MAN1A2: variants seen among roughly 807,000 people sequenced by gnomAD.
MAN1A2 encodes mannosidase alpha class 1A member 2, also known as mannosyl-oligosaccharide 1,2-alpha-mannosidase IB.
Under a neutral mutation model 75.7 loss-of-function variants are expected in MAN1A2, and 26 were observed. The observed-to-expected ratio is 0.34, with a 90% CI of 0.25 to 0.48. MAN1A2 has a LOEUF of 0.48. Ranked by LOEUF, MAN1A2 falls within the 20% of genes least tolerant of loss-of-function variation. The pLI is 0.99. For missense variants in MAN1A2, 562 were observed against 775.5 expected, an observed-to-expected ratio of 0.72 and a Z score of 3.27; for synonymous variants, 247 against 264.6, an observed-to-expected ratio of 0.93 and a Z score of 0.65.
intron 5 of MAN1A2, among the ~76,000 whole-genome samples, chr1:117,435,391 A>G (rs781421740): frequency 2.0e-5 from 3 of 152,162 alleles, no homozygotes; most frequent in Non-Finnish European, 4.4e-5. Flanking sequence ...TTAAGGAAGA[A>G]CTCGTGAATA....
chr1:117,475,286 G>C (rs1007697203), intron 8 of MAN1A2, among the ~76,000 whole-genome samples: 1 of 151,838 alleles, frequency 6.6e-6, no homozygotes, highest in African/African-American at 2.4e-5. Context: ...ATTGCTATCA[G>C]TAGTGTTTCT....
At chr1:117,521,377 A>G (rs1370309031) in intron 12 of MAN1A2, among the ~76,000 whole-genome samples, 5 of 151,996 alleles carry the variant, frequency 3.3e-5, no homozygotes, top group Non-Finnish European at 7.4e-5. Context: ...CAGACAACCC[A>G]CAGAGTGGGA....
chr1:117,511,529 G>A (rs1012457762), intron 12 of MAN1A2, among the ~76,000 whole-genome samples: 5 of 151,908 alleles, frequency 3.3e-5, no homozygotes, highest in East Asian at 3.9e-4. Context: ...CCTCATAGCC[G>A]TAGGGACTTT....
intron 8 of MAN1A2, among the ~76,000 whole-genome samples, chr1:117,482,196 A>C (rs1650519672): frequency 6.6e-6 from 1 of 151,984 alleles, no homozygotes; most frequent in Admixed American, 6.6e-5. Flanking sequence ...GTATGTCTTT[A>C]CAGTAGCATG....
At chr1:117,377,223 T>C (rs1653178742) in intron 1 of MAN1A2, among the ~76,000 whole-genome samples, 3 of 152,220 alleles carry the variant, frequency 2.0e-5, no homozygotes, top group Admixed American at 2.0e-4. Flanking sequence ...TTAAATATAA[T>C]AAATGAGGAT....
chr1:117,477,037 G>A (rs1650335819), intron 8 of MAN1A2, among the ~76,000 whole-genome samples: 1 of 151,810 alleles, frequency 6.6e-6, no homozygotes, highest in Non-Finnish European at 1.5e-5. Flanking sequence ...ATTTCCTTGA[G>A]CAGTGGTTTG....
At chr1:117,487,312 T>C (rs1405737519) in intron 8 of MAN1A2, among the ~76,000 whole-genome samples, 1 of 151,970 alleles carries the variant, frequency 6.6e-6, no homozygotes, top group Non-Finnish European at 1.5e-5. Flanking sequence ...AGATGACAGC[T>C]GTGGAGTATC....
At chr1:117,421,118 A>T (rs945027787) in intron 5 of MAN1A2, among the ~76,000 whole-genome samples, 101 of 152,220 alleles carry the variant, frequency 6.6e-4, no homozygotes, top group African/African-American at 2.2e-3. Flanking sequence ...TTGGTACAGA[A>T]CACATGGAGA....
intron 6 of MAN1A2, among the ~76,000 whole-genome samples, chr1:117,458,503 A>G (rs1249726775): frequency 2.0e-5 from 2 of 101,338 alleles, no homozygotes; most frequent in African/African-American, 8.7e-5. Context: ...ATATCTATAT[A>G]TATATATAGA....
chr1:117,520,789 C>T (rs1651847657), intron 12 of MAN1A2, among the ~76,000 whole-genome samples: 2 of 151,834 alleles, frequency 1.3e-5, no homozygotes, highest in South Asian at 2.1e-4. Flanking sequence ...AAAATACCAC[C>T]ATCATTCTTC....
At chr1:117,373,650 C>G (rs1653045759) in intron 1 of MAN1A2, among the ~76,000 whole-genome samples, 1 of 152,058 alleles carries the variant, frequency 6.6e-6, no homozygotes, top group Admixed American at 6.5e-5. Flanking sequence ...GTGTGAACAA[C>G]CATGCTAGGT....
At chr1:117,427,066 C>T (rs554958029) in intron 5 of MAN1A2, among the ~76,000 whole-genome samples, 1 of 152,130 alleles carries the variant, frequency 6.6e-6, no homozygotes, top group South Asian at 2.1e-4. Flanking sequence ...GAAGATATAA[C>T]AGAATCAGCT....
At chr1:117,443,365 C>A (rs951062755) in intron 6 of MAN1A2, among the ~76,000 whole-genome samples, 1 of 152,110 alleles carries the variant, frequency 6.6e-6, no homozygotes, top group Non-Finnish European at 1.5e-5. Flanking sequence ...GAGGAAAAAG[C>A]TGGCTGAAGT....
intron 12 of MAN1A2, among the ~76,000 whole-genome samples, chr1:117,520,364 G>A (rs1223406816): frequency 6.6e-6 from 1 of 152,018 alleles, no homozygotes; most frequent in Non-Finnish European, 1.5e-5. Context: ...AATTAGTAAA[G>A]AGGAAGTCAA....
chr1:117,513,437 T>C (rs1193798289), intron 12 of MAN1A2, among the ~76,000 whole-genome samples: 3 of 152,084 alleles, frequency 2.0e-5, no homozygotes, highest in African/African-American at 7.2e-5. Context: ...TGATGAGTAT[T>C]ATGCTCTTGT....
At position 117,493,202 on chromosome 1, in the gene MAN1A2, A is replaced by T; in HGVS notation, c.1224A>T (p.Ala408=). ...GDSFYEYLLK[A]WLMSDKTDHE... The stretch of plus-strand genomic sequence containing the variant: ...GTTTTTATGAATACTTACTGAAAGC[A>T]TGGTTGATGTCAGATAAAACAGACC... The change falls in exon 9 of 13, where the codon GCA becomes GCT. Residue 408 remains alanine, a synonymous_variant. Transcript: ENST00000356554. 6.2e-7 allele frequency: 1 copy of T among 1,612,518 alleles called. No homozygotes were observed. Among genetic ancestry groups the T allele is most frequent in the Non-Finnish European group, 8.5e-7 (1 of 1,179,106 alleles).
intron 12 of MAN1A2, among the ~76,000 whole-genome samples, chr1:117,505,892 G>T (rs574303773): frequency 2.0e-5 from 3 of 151,388 alleles, no homozygotes; most frequent in Non-Finnish European, 4.4e-5. Context: ...TGGCAATTTA[G>T]TATAGTTCAA....
At chr1:117,427,799 A>G (rs898036839) in intron 5 of MAN1A2, among the ~76,000 whole-genome samples, 1 of 152,226 alleles carries the variant, frequency 6.6e-6, no homozygotes, top group African/African-American at 2.4e-5. Flanking sequence ...CAGAAACCAC[A>G]GAGATTACTT....
intron 5 of MAN1A2, among the ~76,000 whole-genome samples, chr1:117,423,427 T>G (rs1034273609): frequency 6.6e-5 from 10 of 152,184 alleles, no homozygotes; most frequent in African/African-American, 2.4e-4. Context: ...TCTACTGAGA[T>G]TTTAACTGGG....
Sources: gnomAD v4.1 joint callset for allele counts (sites outside exome capture counted in the v4.1 genomes callset) on GRCh38, gnomAD v4.1.1 for gene constraint, MANE v1.5 for transcripts, NCBI Gene and HGNC (gene_info 2026-07-23, HGNC 2026-07-21) for gene names.